DCAF5: variants seen among roughly 807,000 people sequenced by gnomAD.
DCAF5 encodes the protein DDB1- and CUL4-associated factor 5.
In DCAF5, 9 loss-of-function variants were observed where a neutral mutation model predicts 80.7. That is an observed-to-expected ratio of 0.11 (90% CI 0.07 to 0.19). The LOEUF (loss-of-function observed/expected upper bound fraction) is 0.19, where lower values mean the gene tolerates loss of function less well. Among genes scored for constraint, DCAF5 ranks in the 10% least tolerant of loss-of-function variants. The probability of loss-of-function intolerance (pLI) is 1.00; values close to 1 mark genes in which losing one functional copy is unlikely to be tolerated. For synonymous variants in DCAF5, 433 were observed against 461.9 expected, an observed-to-expected ratio of 0.94 and a Z score of 0.80; for missense variants, 842 against 1,205.7, an observed-to-expected ratio of 0.70 and a Z score of 4.47.
intron 1 of DCAF5, among the ~76,000 whole-genome samples, chr14:69,129,246 G>C (rs1373457688): frequency 6.6e-6 from 1 of 152,136 alleles, no homozygotes; most frequent in South Asian, 2.1e-4. Flanking sequence ...CTGTGATGGG[G>C]CCTGCCTCTT....
intron 1 of DCAF5, among the ~76,000 whole-genome samples, chr14:69,145,881 C>T (rs1374285266): frequency 6.6e-6 from 1 of 152,166 alleles, no homozygotes; most frequent in African/African-American, 2.4e-5. Context: ...AAATTAAGTG[C>T]CATGTTTATT....
At chr14:69,102,525 T>C (rs1449074719) in intron 5 of DCAF5, among the ~76,000 whole-genome samples, 1 of 151,768 alleles carries the variant, frequency 6.6e-6, no homozygotes, top group Admixed American at 6.6e-5. Context: ...AGCACTTTCC[T>C]TCTTTATATC....
rs147296820 is a variant in DCAF5 at position 69,091,558 on chromosome 14, T to G, written c.879+116A>C. The stretch of plus-strand genomic sequence containing the variant: ...TCAGAACATCTCCAGGCACTCACTG[T>G]TTCCCCTTAATTGTTTCTACCTGAC... On this transcript the variant is annotated intron_variant, in intron 6 of 8. Coordinates refer to ENST00000341516, the MANE Select transcript of DCAF5 (RefSeq NM_003861.3). The G allele has an allele frequency of 5.3e-5, 51 of 954,576 alleles. No individual in the cohort carries two copies. The Middle Eastern group carries it at 9.4e-4, about 18-fold the overall frequency. 59.1% of individuals were successfully genotyped at this position (954,576 alleles called of 1,614,324 possible).
intron 5 of DCAF5, among the ~76,000 whole-genome samples, chr14:69,102,041 CA>C (rs2039969803): frequency 6.6e-6 from 1 of 151,822 alleles, no homozygotes. Context: ...ATATTACACA[CA>C]GGCTACGCTA....
Position 69,152,378 on chromosome 14 carries a change from T to G in DCAF5, c.214+387A>C, listed in dbSNP as rs2041734485. ...CCCTTGCCTCCGGCGCTCCTCGGCC[T>G]CCTCACCCTCCACATCCCCAAAATG... On this transcript the variant is annotated intron_variant, in intron 1 of 8. Transcript: ENST00000341516. This position sits in a 1 kb window ranked among gnomAD's most constrained non-coding sequence, Gnocchi z 4.1. The G allele has an allele frequency of 6.2e-6, 1 of 160,006 alleles. No homozygotes were observed. Among genetic ancestry groups the G allele is most frequent in the East Asian group, 1.8e-4 (1 of 5,470 alleles). The allele number at this position is 160,006 out of a possible 1,614,324, so 9.9% of individuals were successfully genotyped here. A position where few individuals can be genotyped will look rare whatever the true frequency, so the allele number is the denominator to read the frequency against.
At chr14:69,134,161 C>T (rs1305962500) in intron 1 of DCAF5, among the ~76,000 whole-genome samples, 2 of 152,134 alleles carry the variant, frequency 1.3e-5, no homozygotes, top group African/African-American at 4.8e-5. Context: ...AGCACACTGC[C>T]AGTTACAGGC....
intron 1 of DCAF5, among the ~76,000 whole-genome samples, chr14:69,123,125 C>G (rs1005648128): frequency 6.6e-6 from 1 of 152,160 alleles, no homozygotes; most frequent in African/African-American, 2.4e-5. Flanking sequence ...GATAGCACAT[C>G]CATACAAGGG....
intron 6 of DCAF5, among the ~76,000 whole-genome samples, chr14:69,081,073 T>A (rs1329917121): frequency 6.6e-6 from 1 of 151,308 alleles, no homozygotes; most frequent in African/African-American, 2.4e-5. Context: ...TAAAAGAATA[T>A]AAGAAAAAAT....
intron 7 of DCAF5, among the ~76,000 whole-genome samples, chr14:69,074,834 G>C (rs1349826212): frequency 2.0e-5 from 3 of 152,150 alleles, no homozygotes; most frequent in Admixed American, 6.5e-5. Flanking sequence ...AGGAATTTGA[G>C]ACCAGGCTGG....
At chr14:69,084,302 C>T (rs760171457) in intron 6 of DCAF5, 9 of 951,944 alleles carry the variant, frequency 9.5e-6, no homozygotes, top group Non-Finnish European at 1.5e-5. Context: ...TGTGGTCACA[C>T]CAGGCTGTCT....
chr14:69,141,779 C>T (rs1566789847), intron 1 of DCAF5, among the ~76,000 whole-genome samples: 1 of 152,190 alleles, frequency 6.6e-6, no homozygotes, highest in Non-Finnish European at 1.5e-5. Flanking sequence ...GAAGGGAATA[C>T]AGGAATCAGT....
intron 5 of DCAF5, among the ~76,000 whole-genome samples, chr14:69,096,077 A>T (rs1056568616): frequency 6.6e-6 from 1 of 152,216 alleles, no homozygotes; most frequent in Non-Finnish European, 1.5e-5. Context: ...CAACCCACAG[A>T]ATATGACAAA....
rs577229840 is a variant in DCAF5, at chr14:69,069,721, C to T, written c.946+5624G>A. On this transcript the variant is annotated intron_variant, in intron 7 of 8. Coordinates refer to ENST00000341516, the MANE Select transcript of DCAF5 (RefSeq NM_003861.3). ...AACTCATGGGTTCAACTGATCTTCC[C>T]GCCTCAGCCTCCCAAAGTGCCAGGA... is the stretch of plus-strand genomic sequence containing the variant. Among the ~76,000 whole-genome samples, 215 of 152,116 alleles carry T rather than the reference C, an allele frequency of 1.4e-3. 5 individuals carry two copies. The South Asian group carries it at 0.028, about 20-fold the overall frequency.
At chr14:69,146,606 G>C (rs1300151238) in intron 1 of DCAF5, among the ~76,000 whole-genome samples, 3 of 152,150 alleles carry the variant, frequency 2.0e-5, no homozygotes, top group African/African-American at 4.8e-5. Flanking sequence ...ATAAGGTAGA[G>C]GGGATATCTT....
At position 69,054,164 on chromosome 14, in the gene DCAF5, G is replaced by A; in HGVS notation, c.2522C>T (p.Pro841Leu). 1 of 1,614,248 alleles carries A rather than the reference G, an allele frequency of 6.2e-7. No homozygotes were observed. The highest frequency in any genetic ancestry group is 8.5e-7 in the Non-Finnish European group (1 of 1,180,048). ...NHNNGRLHPR[P>L]PHPHNNGQNL... ...CTGCCCGTTATTGTGAGGGTGAGGG[G>A]GACGAGGGTGTAAGCGTCCATTGTT... is the stretch of plus-strand genomic sequence containing the variant. The change falls in exon 9 of 9, where the codon CCC (proline) becomes CTC (leucine). Residue 841 changes from proline to leucine, a missense_variant. Pro to Leu is a moderately conservative substitution (Grantham distance 98, BLOSUM62 -3). Around this residue, in one of 5 missense-constraint regions of DCAF5, gnomAD observed 607 missense variants for 656.6 expected, o/e 0.92. Coordinates refer to ENST00000341516, the MANE Select transcript of DCAF5 (RefSeq NM_003861.3).
intron 7 of DCAF5, among the ~76,000 whole-genome samples, chr14:69,066,410 C>T (rs1391334159): frequency 6.6e-6 from 1 of 152,184 alleles, no homozygotes; most frequent in Non-Finnish European, 1.5e-5. Context: ...GCTGGGATTA[C>T]AGGCATGAGC....
chr14:69,090,771 T>C (rs1250704808), intron 6 of DCAF5: 3 of 243,394 alleles, frequency 1.2e-5, no homozygotes, highest in Admixed American at 1.0e-4. Context: ...ATATAAGAAT[T>C]TTAAGTCAAA....
At chr14:69,078,893 G>A (rs1404595443) in intron 6 of DCAF5, among the ~76,000 whole-genome samples, 1 of 151,972 alleles carries the variant, frequency 6.6e-6, no homozygotes, top group African/African-American at 2.4e-5. Context: ...TTGAGACAGA[G>A]TTTCTGCCGC....
intron 4 of DCAF5, among the ~76,000 whole-genome samples, chr14:69,117,004 C>T (rs1024117697): frequency 1.6e-4 from 24 of 152,280 alleles, no homozygotes; most frequent in Admixed American, 1.0e-3. Context: ...GTTCACAATG[C>T]TCCCTAACAT....
Sources: gnomAD v4.1 joint callset for allele counts (sites outside exome capture counted in the v4.1 genomes callset) on GRCh38, gnomAD v4.1.1 for gene constraint, gnomAD v4.1.1 regional missense constraint, Gnocchi (gnomAD v3.1) non-coding constraint, MANE v1.5 for transcripts, NCBI Gene and HGNC (gene_info 2026-07-23, HGNC 2026-07-21) for gene names.